The following GFOD1 variants were observed in gnomAD, a reference collection of about 807,000 sequenced individuals.
GFOD1 encodes Gfo/Idh/MocA-like oxidoreductase domain containing 1.
A neutral mutation model predicts 25.4 loss-of-function variants in GFOD1; 9 were observed. That is an observed-to-expected ratio of 0.35 (90% CI 0.21 to 0.62). GFOD1 has a LOEUF of 0.62. GFOD1 is among the 20% of genes least tolerant of loss of function. The probability of loss-of-function intolerance (pLI) is 0.72; values close to 1 mark genes in which losing one functional copy is unlikely to be tolerated. For synonymous variants in GFOD1, 253 were observed against 245.6 expected (o/e 1.03, Z -0.28); for missense variants, 403 against 556.9 (o/e 0.72, Z 2.78).
chr6:13,441,407 T>TA (rs1298414345), intron 1 of GFOD1, among the ~76,000 whole-genome samples: 1 of 152,224 alleles, frequency 6.6e-6, no homozygotes, highest in East Asian at 1.9e-4. Flanking sequence ...ACACGTAACT[T>TA]ACGCATCACA....
rs942933753 is a variant in GFOD1 at position 13,363,109 on chromosome 6, C to T, written c.*1634G>A. 6.6e-6 allele frequency: 1 copy of T among 152,214 alleles called. No individual in the cohort carries two copies. The highest frequency in any genetic ancestry group is 2.4e-5 in the African/African-American group (1 of 41,460). The allele number at this position is 152,214 out of a possible 1,614,324, so 9.4% of individuals were successfully genotyped here. A position where few individuals can be genotyped will look rare whatever the true frequency, so the allele number is the denominator to read the frequency against. On this transcript the variant is annotated 3_prime_UTR_variant, in exon 2 of 2. Coordinates refer to ENST00000379287, the MANE Select transcript of GFOD1 (RefSeq NM_018988.4). The stretch of plus-strand genomic sequence containing the variant: ...AACAAAGATAACAAAGGATAATTCC[C>T]TGTTCTCTGAATGCACTTGATTGGC...
chr6:13,432,483 C>G (rs186244705), intron 1 of GFOD1, among the ~76,000 whole-genome samples: 56 of 152,188 alleles, frequency 3.7e-4, no homozygotes, highest in Admixed American at 1.3e-3. Context: ...GCTAGGATTA[C>G]GGTGTGAGCT....
At chr6:13,477,523 C>T (rs928255577) in intron 1 of GFOD1, among the ~76,000 whole-genome samples, 1 of 152,016 alleles carries the variant, frequency 6.6e-6, no homozygotes, top group African/African-American at 2.4e-5. Context: ...GCACACACTA[C>T]CCAGGAGGCT....
chr6:13,421,109 G>A, intron 1 of GFOD1, among the ~76,000 whole-genome samples: 1 of 152,176 alleles, frequency 6.6e-6, no homozygotes, highest in Non-Finnish European at 1.5e-5. Flanking sequence ...AATAATTAAA[G>A]AGAGTATGGT....
At chr6:13,456,944 A>G (rs1758200132) in intron 1 of GFOD1, among the ~76,000 whole-genome samples, 1 of 152,100 alleles carries the variant, frequency 6.6e-6, no homozygotes, top group Non-Finnish European at 1.5e-5. Context: ...CCACTTCACA[A>G]CTCGGGGGCA....
rs372614361 is a variant in GFOD1, at chr6:13,378,303, A to G, written c.254-12641T>C. Among the ~76,000 whole-genome samples, 41 of 152,338 alleles carry G rather than the reference A, an allele frequency of 2.7e-4. 1 individual carries two copies. The highest frequency in any genetic ancestry group is 9.4e-4 in the African/African-American group (39 of 41,554). ...GATGAAACGACTGAGCCTCAGAACT[A>G]CCAGATGGGTTAATAAAGGAAGTGC... On this transcript the variant is annotated intron_variant, in intron 1 of 1. Coordinates refer to ENST00000379287, the MANE Select transcript of GFOD1 (RefSeq NM_018988.4).
Position 13,379,556 on chromosome 6 carries a change from C to T in GFOD1, c.254-13894G>A, listed in dbSNP as rs981874645. Among the ~76,000 whole-genome samples, 12 of 152,232 alleles carry T rather than the reference C, an allele frequency of 7.9e-5. No individual in the cohort carries two copies. The South Asian group carries it at 8.3e-4, about 11-fold the overall frequency. ...CACTGCAAGCAACCGACTCTGTCTA[C>T]ACCTGATGGGTTCTCTGGTGTGATC... On this transcript the variant is annotated intron_variant, in intron 1 of 1. Coordinates refer to ENST00000379287, the MANE Select transcript of GFOD1 (RefSeq NM_018988.4).
At position 13,457,910 on chromosome 6, in the gene GFOD1, C is replaced by T. The variant is rs866256465; in HGVS notation, c.253+28728G>A. Among the ~76,000 whole-genome samples, 7 of 152,292 alleles carry T rather than the reference C, an allele frequency of 4.6e-5. No individual in the cohort carries two copies. The South Asian group carries it at 1.2e-3, about 27-fold the overall frequency. Reference sequence around the variant, plus strand: ...CCAGCCAACAGCACAGGTCCCAGGGCGATGCCTGGACCTCTGCCTGGAGGC... The same window carrying T: ...CCAGCCAACAGCACAGGTCCCAGGGTGATGCCTGGACCTCTGCCTGGAGGC... On this transcript the variant is annotated intron_variant, in intron 1 of 1. Transcript: ENST00000379287.
At chr6:13,478,665 G>A (rs1190967150) in intron 1 of GFOD1, among the ~76,000 whole-genome samples, 3 of 152,232 alleles carry the variant, frequency 2.0e-5, no homozygotes, top group Non-Finnish European at 4.4e-5. Context: ...TGGGTGCGGG[G>A]GCAGGGCTGC....
chr6:13,424,731 A>T (rs1373241511), intron 1 of GFOD1, among the ~76,000 whole-genome samples: 1 of 152,124 alleles, frequency 6.6e-6, no homozygotes, highest in Non-Finnish European at 1.5e-5. Context: ...TTTTTCTTTC[A>T]AAAAGTCTTC....
chr6:13,373,863 T>C (rs1785198314), intron 1 of GFOD1, among the ~76,000 whole-genome samples: 1 of 151,902 alleles, frequency 6.6e-6, no homozygotes. Context: ...CTCTTCCCTC[T>C]GTCCCTTCCT....
intron 1 of GFOD1, among the ~76,000 whole-genome samples, chr6:13,384,591 C>G (rs1785428931): frequency 6.6e-6 from 1 of 152,170 alleles, no homozygotes; most frequent in South Asian, 2.1e-4. Flanking sequence ...TTTTAGTACT[C>G]GTTGATGATT....
chr6:13,435,814 C>T (rs751318498), intron 1 of GFOD1, among the ~76,000 whole-genome samples: 9 of 152,276 alleles, frequency 5.9e-5, no homozygotes, highest in Middle Eastern at 3.4e-3. Flanking sequence ...TGGGTTTCTT[C>T]TCCAGCTAGC....
chr6:13,396,026 C>T (rs958643263), intron 1 of GFOD1, among the ~76,000 whole-genome samples: 9 of 152,170 alleles, frequency 5.9e-5, no homozygotes, highest in East Asian at 3.8e-4. Flanking sequence ...CTTGTAGCTC[C>T]GGGTTTTAGA....
rs187376823 is a variant in GFOD1 at position 13,480,399 on chromosome 6, T to C, written c.253+6239A>G. On this transcript the variant is annotated intron_variant, in intron 1 of 1. Transcript: ENST00000379287. The stretch of plus-strand genomic sequence containing the variant: ...CAGGTTAATTACTCACAGGAGGGTA[T>C]GTCTTCTGTTCCCAAAGGCAGAGAG... Among the ~76,000 whole-genome samples the C allele has an allele frequency of 9.2e-5, 14 of 152,358 alleles. No individual in the cohort carries two copies. In the East Asian group the frequency reaches 2.3e-3, roughly 25 times the overall value.
chr6:13,392,281 T>C (rs1785628230), intron 1 of GFOD1, among the ~76,000 whole-genome samples: 1 of 148,224 alleles, frequency 6.7e-6, no homozygotes, highest in Non-Finnish European at 1.5e-5. Context: ...GAGGATCACT[T>C]GAGCACGGGA....
At chr6:13,485,723 C>A (rs1213477075) in intron 1 of GFOD1, among the ~76,000 whole-genome samples, 1 of 152,184 alleles carries the variant, frequency 6.6e-6, no homozygotes, top group Non-Finnish European at 1.5e-5. Context: ...ACCCTGAACT[C>A]ATCTCCAGCC....
intron 1 of GFOD1, among the ~76,000 whole-genome samples, chr6:13,432,488 T>A (rs1757766989): frequency 6.6e-6 from 1 of 152,022 alleles, no homozygotes; most frequent in Admixed American, 6.6e-5. Flanking sequence ...GATTACGGTG[T>A]GAGCTACCAC....
rs1757727178 is a variant in GFOD1, at chr6:13,430,391, C to A, written c.253+56247G>T. On this transcript the variant is annotated intron_variant, in intron 1 of 1. Transcript: ENST00000379287. The surrounding 1 kb of genome is among the most constrained non-coding windows in gnomAD (Gnocchi z 4.1). ...GGCAGAGGTTGCAGTGATCCGAGAT[C>A]ACACCACTGCACTCCAGCCTGGGTG... 6.6e-6 allele frequency among the ~76,000 whole-genome samples: 1 copy of A among 152,004 alleles called. No individual in the cohort carries two copies. Among genetic ancestry groups the A allele is most frequent in the African/African-American group, 2.4e-5 (1 of 41,366 alleles).
Sources: gnomAD v4.1 joint callset for allele counts (sites outside exome capture counted in the v4.1 genomes callset) on GRCh38, gnomAD v4.1.1 for gene constraint, Gnocchi (gnomAD v3.1) non-coding constraint, MANE v1.5 for transcripts, NCBI Gene and HGNC (gene_info 2026-07-23, HGNC 2026-07-21) for gene names.